The following GPR78 variants were observed in gnomAD, a reference collection of about 807,000 sequenced individuals.
GPR78 encodes G protein-coupled receptor 78.
A neutral mutation model predicts 17.9 loss-of-function variants in GPR78; 29 were observed. That is an observed-to-expected ratio of 1.62 (90% CI 1.20 to 2.21). The LOEUF is 2.21. Ranked by LOEUF, GPR78 falls within the 30% of genes most tolerant of loss-of-function variation. The pLI, the probability that GPR78 is intolerant of heterozygous loss-of-function variation, is 0.00. For synonymous variants in GPR78, 349 were observed against 256.9 expected (o/e 1.36, Z -3.43); for missense variants, 649 against 530.5 (o/e 1.22, Z -2.19).
Position 8,587,071 on chromosome 4 carries a change from C to A in GPR78, c.800C>A (p.Pro267His). 2 of 1,611,806 alleles carry A rather than the reference C, an allele frequency of 1.2e-6. No homozygotes were observed. Among genetic ancestry groups the A allele is most frequent in the Non-Finnish European group, 1.7e-6 (2 of 1,179,014 alleles). Residue 267 changes from proline to histidine, a missense_variant, in exon 3 of 3, where the codon CCC (proline) becomes CAC (histidine). Coordinates refer to ENST00000382487, the MANE Select transcript of GPR78 (RefSeq NM_080819.5). ...CCCAACAGGCTGGCGGAGCTCGTGC[C>A]CTTCGTCACCGTGAACGCCCAGTGG... Reference protein sequence around the residue: ...YVMTRLAELVPFVTVNAQWGI... With the variant: ...YVMTRLAELVHFVTVNAQWGI...
Position 8,584,338 on chromosome 4 carries a change from CCAAA to C in GPR78, c.782+1699_782+1702del, listed in dbSNP as rs142298906. 6.0e-3 allele frequency among the ~76,000 whole-genome samples: 911 copies of C among 152,274 alleles called. 5 individuals are homozygous for C. Among genetic ancestry groups the C allele is most frequent in the African/African-American group, 0.021 (867 of 41,550 alleles). On this transcript the variant is annotated intron_variant, in intron 2 of 2. Transcript: ENST00000382487. Reference sequence around the variant, plus strand: ...GCACACGAGTGTAAGAGGAAGAATCCCAAACAAAGTCATGAAGCCTGCCTTTGCA... The same window carrying C: ...GCACACGAGTGTAAGAGGAAGAATCCCAAAGTCATGAAGCCTGCCTTTGCA...
At chr4:8,582,863 A>T (rs1560281328) in intron 2 of GPR78, 2 of 524,386 alleles carry the variant, frequency 3.8e-6, no homozygotes, top group South Asian at 2.7e-5. Context: ...AAATGAGGAG[A>T]CTCTCCTTGT....
intron 1 of GPR78, 36 bp downstream of exon 1, chr4:8,581,686 G>C: frequency 1.4e-6 from 2 of 1,408,622 alleles, no homozygotes; most frequent in Non-Finnish European, 1.8e-6. Flanking sequence ...GCCCAGGCCA[G>C]GGACTTGGGC....
rs1713595508 is a variant in GPR78, at chr4:8,588,245, T to C, written c.*882T>C. Among the ~76,000 whole-genome samples, 1 of 152,174 alleles carries C rather than the reference T, an allele frequency of 6.6e-6. No homozygotes were observed. Among genetic ancestry groups the C allele is most frequent in the Non-Finnish European group, 1.5e-5 (1 of 68,010 alleles). ...GCCCAGGTGTCCAGAGAGGGTGGCC[T>C]GGGATGGGGAGGGCCCTTGCTCCCC... On this transcript the variant is annotated 3_prime_UTR_variant, in exon 3 of 3. Coordinates refer to ENST00000382487, the MANE Select transcript of GPR78 (RefSeq NM_080819.5).
At chr4:8,582,492 C>G in intron 1 of GPR78, 39 bp from the exon 2 acceptor site, 2 of 1,412,194 alleles carry the variant, frequency 1.4e-6, no homozygotes, top group Non-Finnish European at 2.0e-6. Flanking sequence ...TCTGTCCCCA[C>G]CCTGCCATCA....
At chr4:8,583,825 G>C (rs924229412) in intron 2 of GPR78, among the ~76,000 whole-genome samples, 6 of 152,188 alleles carry the variant, frequency 3.9e-5, no homozygotes, top group Non-Finnish European at 5.9e-5. Context: ...CGTGGGACAG[G>C]AGCTCTTGGC....
At chr4:8,586,258 C>T (rs894754208) in intron 2 of GPR78, among the ~76,000 whole-genome samples, 1 of 152,188 alleles carries the variant, frequency 6.6e-6, no homozygotes, top group Non-Finnish European at 1.5e-5. Flanking sequence ...TGCTTTCCCC[C>T]ACGCAGAGCC....
In GPR78 at chr4:8,580,919, T is replaced by C; in HGVS notation, c.-64T>C. Reference sequence around the variant, plus strand: ...GCTCAGCTGCTCCATCGCCTCACTTTCCCAGGCTCGCGCCCGAAGCAGAGC... The same window carrying C: ...GCTCAGCTGCTCCATCGCCTCACTTCCCCAGGCTCGCGCCCGAAGCAGAGC... On this transcript the variant is annotated 5_prime_UTR_variant, in exon 1 of 3. Coordinates refer to ENST00000382487, the MANE Select transcript of GPR78 (RefSeq NM_080819.5). 2 of 1,405,766 alleles carry C rather than the reference T, an allele frequency of 1.4e-6. No homozygotes were observed. The highest frequency in any genetic ancestry group is 2.9e-5 in the African/African-American group (2 of 69,430). The allele number at this position is 1,405,766 out of a possible 1,614,324, so 87.1% of individuals were successfully genotyped here. A position where few individuals can be genotyped will look rare whatever the true frequency, so the allele number is the denominator to read the frequency against.
Position 8,587,416 on chromosome 4 carries a change from C to T in GPR78, c.*53C>T. 3.2e-6 allele frequency: 5 copies of T among 1,551,482 alleles called. No homozygotes were observed. Among genetic ancestry groups the T allele is most frequent in the Non-Finnish European group, 4.4e-6 (5 of 1,139,788 alleles). ...CTTCTAAGAAGCCCTGTGGAAAGGG[C>T]ACTGGCCCTGCCACAGAGATGCCAC... On this transcript the variant is annotated 3_prime_UTR_variant, in exon 3 of 3. Coordinates refer to ENST00000382487, the MANE Select transcript of GPR78 (RefSeq NM_080819.5).
chr4:8,583,637 G>A (rs544322583), intron 2 of GPR78, among the ~76,000 whole-genome samples: 1 of 143,994 alleles, frequency 6.9e-6, no homozygotes, highest in African/African-American at 2.6e-5. Flanking sequence ...AGGTCTGCCA[G>A]CCTGTCCAGG....
chr4:8,586,482 TG>T (rs1243053789), intron 2 of GPR78, among the ~76,000 whole-genome samples: 3 of 152,156 alleles, frequency 2.0e-5, no homozygotes, highest in African/African-American at 7.2e-5. Flanking sequence ...CTGCTGTTCA[TG>T]TGGGTGAGGT....
chr4:8,589,451 G>A lies in GPR78; in HGVS notation c.*2088G>A, dbSNP rs750302189. 7.2e-5 allele frequency among the ~76,000 whole-genome samples: 11 copies of A among 152,238 alleles called. No homozygotes were observed. The East Asian group carries it at 7.8e-4, about 11-fold the overall frequency. Reference sequence around the variant, plus strand: ...TCATGCCCTGGTTCACAGAGGGCACGTGAACTCGAGACCGTGCTGCACCCC... The same window carrying A: ...TCATGCCCTGGTTCACAGAGGGCACATGAACTCGAGACCGTGCTGCACCCC... On this transcript the variant is annotated 3_prime_UTR_variant, in exon 3 of 3. Transcript: ENST00000382487.
Position 8,581,510 on chromosome 4 carries a change from C to T in GPR78, c.528C>T (p.Leu176=), listed in dbSNP as rs145575866. The T allele has an allele frequency of 1.8e-3, 2,809 of 1,591,830 alleles. 9 individuals are homozygous for T. Among genetic ancestry groups the T allele is most frequent in the Non-Finnish European group, 2.2e-3 (2,630 of 1,176,940 alleles). The change falls in exon 1 of 3, where the codon CTC becomes CTT. Residue 176 remains leucine, a synonymous_variant. Coordinates refer to ENST00000382487, the MANE Select transcript of GPR78 (RefSeq NM_080819.5). ...RPRFAAFTAT[L]HAVGFVLPLA... ...GCTTCGCAGCCTTCACCGCCACGCT[C>T]CATGCCGTGGGCTTCGTGCTGCCGC...
intron 1 of GPR78, 111 bp downstream of exon 1, chr4:8,581,761 C>T (rs1281679546): frequency 2.6e-6 from 2 of 777,642 alleles, no homozygotes; most frequent in Admixed American, 6.8e-5. Context: ...CCAGAGTTCA[C>T]CAGCCACAGC....
chr4:8,581,823 A>T (rs536028444), intron 1 of GPR78, among the ~76,000 whole-genome samples, 173 bp downstream of exon 1: 1 of 151,868 alleles, frequency 6.6e-6, no homozygotes, highest in African/African-American at 2.4e-5. Context: ...ATTGGTGCAG[A>T]CACTGCGGGG....
rs1167641554 is a variant in GPR78, at chr4:8,582,645, G to T, written c.782+1G>T. 3 of 1,593,660 alleles carry T rather than the reference G, an allele frequency of 1.9e-6. No homozygotes were observed. In the East Asian group the frequency reaches 6.7e-5, roughly 36 times the overall value. ...GCTTTGCCCCGTATGTCATGACCAGGTGGGTCCTGGCAGTCCGGCTCCTGT... is the reference window on the plus strand; with the variant it reads ...GCTTTGCCCCGTATGTCATGACCAGTTGGGTCCTGGCAGTCCGGCTCCTGT... On this transcript the variant is annotated splice_donor_variant, in intron 2 of 2. Coordinates refer to ENST00000382487, the MANE Select transcript of GPR78 (RefSeq NM_080819.5). LOFTEE classifies it high-confidence loss of function.
chr4:8,581,488 T>A lies in GPR78; in HGVS notation c.506T>A (p.Phe169Tyr), dbSNP rs777633236. The A allele has an allele frequency of 1.9e-6, 3 of 1,592,134 alleles. No individual in the cohort carries two copies. In the East Asian group the frequency reaches 6.7e-5, roughly 36 times the overall value. The change falls in exon 1 of 3, where the codon TTC becomes TAC. Residue 169 changes from phenylalanine to tyrosine, a missense_variant. Transcript: ENST00000382487. ...RLPPEPERPR[F>Y]AAFTATLHAV... Reference sequence around the variant, plus strand: ...CCGCCCGAGCCTGAGCGTCCGCGCTTCGCAGCCTTCACCGCCACGCTCCAT... The same window carrying A: ...CCGCCCGAGCCTGAGCGTCCGCGCTACGCAGCCTTCACCGCCACGCTCCAT...
intron 2 of GPR78, among the ~76,000 whole-genome samples, chr4:8,586,437 G>A (rs372824094): frequency 9.2e-5 from 14 of 152,304 alleles, no homozygotes; most frequent in South Asian, 4.1e-4. Flanking sequence ...AGCACCCTGC[G>A]TGGTGTGTGG....
In GPR78 at chr4:8,588,112, T is replaced by C. The variant is rs544641529; in HGVS notation, c.*749T>C. 6.6e-6 allele frequency among the ~76,000 whole-genome samples: 1 copy of C among 152,330 alleles called. No homozygotes were observed. Among genetic ancestry groups the C allele is most frequent in the South Asian group, 2.1e-4 (1 of 4,832 alleles). On this transcript the variant is annotated 3_prime_UTR_variant, in exon 3 of 3. Coordinates refer to ENST00000382487, the MANE Select transcript of GPR78 (RefSeq NM_080819.5). Reference sequence around the variant, plus strand: ...TCTGTGTGCTCAGAGCCTTTTCTGGTGAAGATATCATCAGAGCATGTGACC... The same window carrying C: ...TCTGTGTGCTCAGAGCCTTTTCTGGCGAAGATATCATCAGAGCATGTGACC...
Sources: allele counts gnomAD v4.1 joint callset (sites outside exome capture counted in the v4.1 genomes callset), GRCh38; gene constraint gnomAD v4.1.1; transcripts MANE v1.5; gene names NCBI Gene and HGNC (gene_info 2026-07-23, HGNC 2026-07-21).